TM9SF3: variants seen among roughly 807,000 people sequenced by gnomAD.
The protein encoded by TM9SF3 is SM-11044-binding protein.
TM9SF3 carries 14 observed loss-of-function variants against 78.6 expected under a neutral mutation model. The observed-to-expected ratio is 0.18, with a 90% CI of 0.12 to 0.28. The LOEUF is 0.28. Ranked by LOEUF, TM9SF3 falls within the 10% of genes least tolerant of loss-of-function variation. The pLI, the probability that TM9SF3 is intolerant of heterozygous loss-of-function variation, is 1.00. For synonymous variants in TM9SF3, 231 were observed against 241.7 expected, an observed-to-expected ratio of 0.96 and a Z score of 0.41; for missense variants, 496 against 721.9, an observed-to-expected ratio of 0.69 and a Z score of 3.59.
intron 9 of TM9SF3, among the ~76,000 whole-genome samples, chr10:96,539,336 C>T (rs1442719299): frequency 9.0e-6 from 1 of 111,412 alleles, no homozygotes; most frequent in African/African-American, 3.8e-5. Context: ...CCAGCCTGGG[C>T]TACAGAGCAA....
chr10:96,534,535 T>C (rs1319301312), intron 9 of TM9SF3, among the ~76,000 whole-genome samples: 2 of 152,152 alleles, frequency 1.3e-5, no homozygotes, highest in Non-Finnish European at 2.9e-5. Context: ...CCTTAACACA[T>C]TGTAATAAAG....
At chr10:96,586,370 C>G (rs900566202) in intron 1 of TM9SF3, among the ~76,000 whole-genome samples, 2 of 152,156 alleles carry the variant, frequency 1.3e-5, no homozygotes, top group African/African-American at 4.8e-5. Context: ...CCCTGGGGGG[C>G]AAAAGCCCCG....
At chr10:96,558,989 T>C (rs1848270199) in intron 5 of TM9SF3, among the ~76,000 whole-genome samples, 1 of 152,120 alleles carries the variant, frequency 6.6e-6, no homozygotes, top group African/African-American at 2.4e-5. Flanking sequence ...AAACTACCTG[T>C]ACAAAACCAA....
Position 96,527,276 on chromosome 10 carries a change from A to G in TM9SF3, c.1639T>C (p.Phe547Leu). The G allele has an allele frequency of 6.2e-7, 1 of 1,611,820 alleles. No individual in the cohort carries two copies. The highest frequency in any genetic ancestry group is 8.5e-7 in the Non-Finnish European group (1 of 1,178,674). ...TATCCAAAGTAAAATGATGTTTGAAATAAGCCATACATCCTGAAATAAAAC... is the reference window on the plus strand; with the variant it reads ...TATCCAAAGTAAAATGATGTTTGAAGTAAGCCATACATCCTGAAATAAAAC... ...YFFKTKMYGL[F>L]QTSFYFGYMA... The change falls in exon 14 of 15, where the codon TTT (phenylalanine) becomes CTT (leucine). Residue 547 changes from phenylalanine (F) to leucine (L), a missense_variant. Coordinates refer to ENST00000371142, the MANE Select transcript of TM9SF3 (RefSeq NM_020123.4).
intron 2 of TM9SF3, among the ~76,000 whole-genome samples, chr10:96,568,167 G>A (rs1380709436): frequency 6.6e-6 from 1 of 152,210 alleles, no homozygotes; most frequent in Non-Finnish European, 1.5e-5. Flanking sequence ...TAACTGAAGA[G>A]TCTCTGGCTG....
chr10:96,527,523 A>C, intron 12 of TM9SF3, 27 bp from the exon 13 acceptor site: 1 of 1,557,572 alleles, frequency 6.4e-7, no homozygotes, highest in East Asian at 2.3e-5. Flanking sequence ...GAAAGAAGAT[A>C]AATCTCTTTT....
chr10:96,545,213 C>T (rs1848082756), intron 8 of TM9SF3, among the ~76,000 whole-genome samples: 1 of 152,258 alleles, frequency 6.6e-6, no homozygotes, highest in Middle Eastern at 3.4e-3. Flanking sequence ...CTTCAAACAG[C>T]TTAGAAACAC....
intron 1 of TM9SF3, among the ~76,000 whole-genome samples, chr10:96,585,214 G>A (rs1848615610): frequency 6.6e-6 from 1 of 152,162 alleles, no homozygotes; most frequent in Non-Finnish European, 1.5e-5. Context: ...AGAGTTCTGA[G>A]TTTCATATGG....
intron 1 of TM9SF3, among the ~76,000 whole-genome samples, chr10:96,578,819 T>G (rs997680291): frequency 6.6e-6 from 1 of 152,228 alleles, no homozygotes; most frequent in Non-Finnish European, 1.5e-5. Context: ...CTCACACCTG[T>G]AATCCCAAGA....
intron 8 of TM9SF3, among the ~76,000 whole-genome samples, chr10:96,546,617 G>A (rs1848103198): frequency 6.6e-6 from 1 of 151,998 alleles, no homozygotes; most frequent in African/African-American, 2.4e-5. Context: ...CCTGCGAGTC[G>A]AATTTAGAGA....
chr10:96,585,685 C>T (rs529485914), intron 1 of TM9SF3, among the ~76,000 whole-genome samples: 1 of 152,336 alleles, frequency 6.6e-6, no homozygotes, highest in Admixed American at 6.5e-5. Flanking sequence ...GTAAGGACGA[C>T]TGCTTCATTT....
At chr10:96,575,998 A>C (rs1199568048) in intron 2 of TM9SF3, among the ~76,000 whole-genome samples, 1 of 152,236 alleles carries the variant, frequency 6.6e-6, no homozygotes, top group Non-Finnish European at 1.5e-5. Context: ...AAATTTAACA[A>C]GTCTTTGACT....
chr10:96,546,118 T>G (rs1318526624), intron 8 of TM9SF3, among the ~76,000 whole-genome samples: 1 of 152,182 alleles, frequency 6.6e-6, no homozygotes, highest in Non-Finnish European at 1.5e-5. Context: ...TATAGTGCAC[T>G]GAGGACAGTG....
intron 4 of TM9SF3, chr10:96,560,311 T>G (rs1848289962): frequency 1.5e-5 from 11 of 749,012 alleles, no homozygotes; most frequent in Non-Finnish European, 2.7e-5. Context: ...GCACCAATTA[T>G]CTTTAAGAAC....
At position 96,518,402 on chromosome 10, in the gene TM9SF3, C is replaced by T. The variant is rs1847720698; in HGVS notation, c.*3861G>A. ...TGCTTTTCCAAGAATGTTCTGTTGTCCTTCAAATAGAATTCCATGTTATTT... is the reference window on the plus strand; with the variant it reads ...TGCTTTTCCAAGAATGTTCTGTTGTTCTTCAAATAGAATTCCATGTTATTT... On this transcript the variant is annotated 3_prime_UTR_variant, in exon 15 of 15. Coordinates refer to ENST00000371142, the MANE Select transcript of TM9SF3 (RefSeq NM_020123.4). 1 of 152,152 alleles carries T rather than the reference C, an allele frequency of 6.6e-6. No homozygotes were observed. The highest frequency in any genetic ancestry group is 6.6e-5 in the Admixed American group (1 of 15,266). 9.4% of individuals were successfully genotyped at this position (152,152 alleles called of 1,614,324 possible). A position where few individuals can be genotyped will look rare whatever the true frequency, so the allele number is the denominator to read the frequency against.
intron 2 of TM9SF3, among the ~76,000 whole-genome samples, chr10:96,570,360 CAGGTTTATATTTTCCTGT>C (rs1250725382): frequency 6.6e-6 from 1 of 151,994 alleles, no homozygotes; most frequent in Non-Finnish European, 1.5e-5. Flanking sequence ...TAATTATATC[CAGGTTTATATTTTCCTGT>C]AGTTACTAAA....
chr10:96,539,951 C>G (rs575439848), intron 9 of TM9SF3, among the ~76,000 whole-genome samples: 93 of 152,246 alleles, frequency 6.1e-4, no homozygotes, highest in African/African-American at 2.0e-3. Flanking sequence ...TATCTCTTTG[C>G]GTTCTTCTGA....
chr10:96,539,152 C>CAAT lies in TM9SF3; in HGVS notation c.1185+4921_1185+4923dup, dbSNP rs144991753. Among the ~76,000 whole-genome samples the CAAT allele has an allele frequency of 2.0e-4, 31 of 152,164 alleles. No individual in the cohort carries two copies. The East Asian group carries it at 5.4e-3, about 27-fold the overall frequency. On this transcript the variant is annotated intron_variant, in intron 9 of 14. Coordinates refer to ENST00000371142, the MANE Select transcript of TM9SF3 (RefSeq NM_020123.4). ...AACCATGCAATTGAATACTATTGGG[C>CAAT]AATACAAAGAACAAACTATTCATAA...
Position 96,522,351 on chromosome 10 carries a change from G to T in TM9SF3, c.1703-21C>A, listed in dbSNP as rs536860882. The T allele has an allele frequency of 5.0e-5, 78 of 1,548,884 alleles. No individual in the cohort carries two copies. In the South Asian group the frequency reaches 7.8e-4, roughly 16 times the overall value. ...CGCTCCTGCAAAGATAAAATAAGAT[G>T]TTTTGAAACAAATACATACAGAGCA... On this transcript the variant is annotated intron_variant, in intron 14 of 14. Coordinates refer to ENST00000371142, the MANE Select transcript of TM9SF3 (RefSeq NM_020123.4).
Sources: allele counts gnomAD v4.1 joint callset (sites outside exome capture counted in the v4.1 genomes callset), GRCh38; gene constraint gnomAD v4.1.1; transcripts MANE v1.5; gene names NCBI Gene and HGNC (gene_info 2026-07-23, HGNC 2026-07-21).